Variants in APBA1 observed in about 807,000 individuals in gnomAD.
APBA1 encodes amyloid beta precursor protein binding family A member 1.
A neutral mutation model predicts 86.6 loss-of-function variants in APBA1; 55 were observed. That is an observed-to-expected ratio of 0.64 (90% CI 0.51 to 0.80). APBA1 has a LOEUF of 0.80. Ranked by LOEUF, APBA1 falls within the 30% of genes least tolerant of loss-of-function variation. APBA1 has a pLI of 0.00. For missense variants in APBA1, 1,090 were observed against 1,183.0 expected (o/e 0.92, Z 1.15); for synonymous variants, 511 against 493.9 (o/e 1.03, Z -0.46).
At chr9:69,543,568 T>C (rs1422551794) in intron 1 of APBA1, among the ~76,000 whole-genome samples, 4 of 152,160 alleles carry the variant, frequency 2.6e-5, no homozygotes, top group Non-Finnish European at 5.9e-5. Flanking sequence ...TCAAAAGCAC[T>C]GCAATAGCAT....
At chr9:69,486,717 C>G (rs954403835) in intron 2 of APBA1, among the ~76,000 whole-genome samples, 1 of 152,034 alleles carries the variant, frequency 6.6e-6, no homozygotes, top group Non-Finnish European at 1.5e-5. Context: ...GGAGGAGGAA[C>G]AGCACAGCTC....
chr9:69,442,263 T>C (rs1243682059), intron 10 of APBA1, among the ~76,000 whole-genome samples: 1 of 152,162 alleles, frequency 6.6e-6, no homozygotes, highest in African/African-American at 2.4e-5. Context: ...TGCAGGAGGA[T>C]CATGTTTGCA....
chr9:69,431,107 C>T lies in APBA1; in HGVS notation c.*220G>A, dbSNP rs890779396. On this transcript the variant is annotated 3_prime_UTR_variant, in exon 13 of 13. Transcript: ENST00000265381. ...AGGTGGGTGCTGGCTGCTCTCCATC[C>T]TCAAGGGAGTGCATACGAAACTTCC... 4 of 479,878 alleles carry T rather than the reference C, an allele frequency of 8.3e-6. No homozygotes were observed. The highest frequency in any genetic ancestry group is 1.1e-5 in the Non-Finnish European group (3 of 274,904). The allele number at this position is 479,878 out of a possible 1,614,324, so 29.7% of individuals were successfully genotyped here. A position where few individuals can be genotyped will look rare whatever the true frequency, so the allele number is the denominator to read the frequency against.
intron 2 of APBA1, among the ~76,000 whole-genome samples, chr9:69,510,672 T>C (rs1836020410): frequency 7.0e-6 from 1 of 143,116 alleles, no homozygotes; most frequent in Non-Finnish European, 1.5e-5. Context: ...CTTCAAACTA[T>C]ACTACAAGGC....
intron 1 of APBA1, among the ~76,000 whole-genome samples, chr9:69,596,834 G>C (rs752310255): frequency 7.9e-5 from 12 of 152,174 alleles, no homozygotes; most frequent in Non-Finnish European, 1.5e-4. Flanking sequence ...TGAAGGCTTG[G>C]ATTATCTGAT....
intron 1 of APBA1, among the ~76,000 whole-genome samples, chr9:69,619,603 C>T (rs1183794651): frequency 6.6e-6 from 1 of 152,186 alleles, no homozygotes; most frequent in African/African-American, 2.4e-5. Context: ...TCAAAGAGCA[C>T]ACAAAAAATC....
intron 1 of APBA1, among the ~76,000 whole-genome samples, chr9:69,540,798 C>T (rs1213100206): frequency 6.6e-6 from 1 of 152,092 alleles, no homozygotes; most frequent in South Asian, 2.1e-4. Context: ...TGGGTCTCGC[C>T]ACATTGCCCA....
intron 9 of APBA1, among the ~76,000 whole-genome samples, chr9:69,450,056 GTTT>G (rs58417611): frequency 4.2e-5 from 4 of 94,154 alleles, no homozygotes; most frequent in Admixed American, 1.2e-4. Flanking sequence ...AGGACCACCA[GTTT>G]TTTTTTTTTT....
intron 1 of APBA1, among the ~76,000 whole-genome samples, chr9:69,589,810 G>T (rs764767109): frequency 6.6e-6 from 1 of 152,008 alleles, no homozygotes; most frequent in African/African-American, 2.4e-5. Flanking sequence ...AACATTTTAG[G>T]TCCATCTTCT....
chr9:69,441,514 A>G (rs1439221899), intron 10 of APBA1, among the ~76,000 whole-genome samples: 3 of 152,200 alleles, frequency 2.0e-5, no homozygotes, highest in Non-Finnish European at 4.4e-5. Context: ...TGGGAAATGG[A>G]CTTTTCTTCT....
intron 1 of APBA1, among the ~76,000 whole-genome samples, chr9:69,639,483 C>T (rs1823243267): frequency 6.6e-6 from 1 of 152,086 alleles, no homozygotes; most frequent in Non-Finnish European, 1.5e-5. Context: ...TCTCATCACA[C>T]CAGAAGCAAA....
At chr9:69,644,413 A>G (rs1222892733) in intron 1 of APBA1, among the ~76,000 whole-genome samples, 1 of 152,116 alleles carries the variant, frequency 6.6e-6, no homozygotes, top group Non-Finnish European at 1.5e-5. Flanking sequence ...GTACTCTTTC[A>G]ATGTTGACAC....
At chr9:69,519,657 G>T (rs555908374) in intron 1 of APBA1, among the ~76,000 whole-genome samples, 2 of 152,146 alleles carry the variant, frequency 1.3e-5, no homozygotes, top group African/African-American at 2.4e-5. Flanking sequence ...TGTGGTCAGC[G>T]TAAGAAAAAC....
At chr9:69,670,933 G>GT (rs1823936888) in intron 1 of APBA1, among the ~76,000 whole-genome samples, 1 of 152,122 alleles carries the variant, frequency 6.6e-6, no homozygotes, top group South Asian at 2.1e-4. Flanking sequence ...AAAGTATCCT[G>GT]TTTCCTGAGG....
At chr9:69,564,131 G>A (rs760258782) in intron 1 of APBA1, among the ~76,000 whole-genome samples, 16 of 152,128 alleles carry the variant, frequency 1.1e-4, no homozygotes, top group South Asian at 2.1e-4. Context: ...AGCACCTCTC[G>A]GTTTCAGGAT....
intron 1 of APBA1, among the ~76,000 whole-genome samples, chr9:69,539,786 T>G (rs539720821): frequency 2.0e-5 from 3 of 152,324 alleles, no homozygotes; most frequent in Admixed American, 2.0e-4. Context: ...GATAATTCAC[T>G]GGGCTTATTC....
intron 1 of APBA1, among the ~76,000 whole-genome samples, chr9:69,599,261 T>G (rs2133972061): frequency 6.6e-6 from 1 of 152,374 alleles, no homozygotes; most frequent in South Asian, 2.1e-4. Context: ...ATTGCATATA[T>G]TAGAGAACTG....
At chr9:69,656,196 T>A (rs1262380897) in intron 1 of APBA1, among the ~76,000 whole-genome samples, 1 of 152,154 alleles carries the variant, frequency 6.6e-6, no homozygotes, top group Non-Finnish European at 1.5e-5. Flanking sequence ...GACAAAGTAG[T>A]CCCCACTTTG....
intron 2 of APBA1, among the ~76,000 whole-genome samples, chr9:69,505,846 C>T (rs1396307369): frequency 4.0e-5 from 6 of 151,812 alleles, no homozygotes; most frequent in Non-Finnish European, 8.8e-5. Flanking sequence ...GGCAAAACCC[C>T]GTCTCTACTA....
Sources: gnomAD v4.1 joint callset for allele counts (sites outside exome capture counted in the v4.1 genomes callset) on GRCh38, gnomAD v4.1.1 for gene constraint, MANE v1.5 for transcripts, NCBI Gene and HGNC (gene_info 2026-07-23, HGNC 2026-07-21) for gene names.